Variants in PCDH11X observed in about 807,000 individuals in gnomAD.
The protein encoded by PCDH11X is protocadherin-11 X-linked.
A neutral mutation model predicts 53.3 loss-of-function variants in PCDH11X; 18 were observed. The observed-to-expected ratio is 0.34, with a 90% CI of 0.23 to 0.50. The LOEUF (loss-of-function observed/expected upper bound fraction) is 0.50, where lower values mean the gene tolerates loss of function less well. Ranked by LOEUF, PCDH11X falls within the 20% of genes least tolerant of loss-of-function variation. The pLI, the probability that PCDH11X is intolerant of heterozygous loss-of-function variation, is 0.98. For missense variants in PCDH11X, 570 were observed against 1,032.4 expected, an observed-to-expected ratio of 0.55 and a Z score of 6.14; for synonymous variants, 279 against 393.3, an observed-to-expected ratio of 0.71 and a Z score of 3.44.
At chrX:91,972,112 G>C (rs1412581913) in intron 6 of PCDH11X, among the ~76,000 whole-genome samples, 36 of 106,228 alleles carry the variant, frequency 3.4e-4, no homozygotes, top group Non-Finnish European at 5.2e-4. Context: ...AGCACCTGTT[G>C]TTTCCTGACT....
chrX:91,948,430 T>C (rs1193868805), intron 6 of PCDH11X, among the ~76,000 whole-genome samples: 2 of 108,306 alleles, frequency 1.8e-5, no homozygotes, highest in East Asian at 6.0e-4. Context: ...GTGGGATAAG[T>C]GATGGCATGT....
intron 10 of PCDH11X, among the ~76,000 whole-genome samples, chrX:92,576,013 C>T (rs901691623): frequency 0.017 from 471 of 26,948 alleles, 12 homozygotes; most frequent in Middle Eastern, 0.045. Flanking sequence ...TATATATATA[C>T]ACACACACAC....
At chrX:92,480,645 C>T (rs1001448258) in intron 10 of PCDH11X, among the ~76,000 whole-genome samples, 22 of 110,613 alleles carry the variant, frequency 2.0e-4, no homozygotes, top group African/African-American at 6.6e-4. Flanking sequence ...TTCTATACTA[C>T]GTGCTGTAAC....
At chrX:92,116,091 G>A in intron 6 of PCDH11X, among the ~76,000 whole-genome samples, 1 of 112,195 alleles carries the variant, frequency 8.9e-6, no homozygotes, top group Middle Eastern at 4.6e-3. Flanking sequence ...GCAGCAGCAT[G>A]TTTGTAAGGC....
At chrX:92,563,050 T>TTTTTTTTTTTG (rs2075158790) in intron 10 of PCDH11X, among the ~76,000 whole-genome samples, 1 of 9,154 alleles carries the variant, frequency 1.1e-4, no homozygotes, top group African/African-American at 1.1e-3. Context: ...TGGTACCGTT[T>TTTTTTTTTTTG]TTTTTTTTTT....
intron 8 of PCDH11X, among the ~76,000 whole-genome samples, chrX:92,320,874 T>C (rs1051432077): frequency 7.3e-5 from 8 of 109,922 alleles, no homozygotes; most frequent in African/African-American, 2.7e-4. Context: ...GGAGGAGCTA[T>C]GAATATTTAT....
At chrX:91,894,544 C>A (rs1203582681) in intron 6 of PCDH11X, among the ~76,000 whole-genome samples, 1 of 111,534 alleles carries the variant, frequency 9.0e-6, no homozygotes, top group Non-Finnish European at 1.9e-5. Flanking sequence ...CCCTTTTAAT[C>A]TGATAGAGGC....
At chrX:92,219,641 C>T (rs1466310141) in intron 7 of PCDH11X, among the ~76,000 whole-genome samples, 7 of 94,170 alleles carry the variant, frequency 7.4e-5, no homozygotes, top group Non-Finnish European at 1.1e-4. Flanking sequence ...TTTATAGATT[C>T]AATGCCATCC....
At chrX:92,036,244 C>T (rs4022222) in intron 6 of PCDH11X, among the ~76,000 whole-genome samples, 6 of 109,803 alleles carry the variant, frequency 5.5e-5, no homozygotes, top group African/African-American at 1.7e-4. Flanking sequence ...TTGAGGAGTT[C>T]GGTGTTCATT....
At chrX:92,004,653 T>C (rs866326989) in intron 6 of PCDH11X, among the ~76,000 whole-genome samples, 1 of 110,725 alleles carries the variant, frequency 9.0e-6, no homozygotes, top group Non-Finnish European at 1.9e-5. Flanking sequence ...TCTCTTCTCA[T>C]AGTTTTTGTC....
At chrX:92,349,776 A>C (rs1200815519) in intron 8 of PCDH11X, among the ~76,000 whole-genome samples, 1 of 111,291 alleles carries the variant, frequency 9.0e-6, no homozygotes, top group Non-Finnish European at 1.9e-5. Flanking sequence ...CTTACATGAG[A>C]TATTCAGCAC....
intron 8 of PCDH11X, among the ~76,000 whole-genome samples, chrX:92,273,893 A>G (rs1378133351): frequency 9.0e-6 from 1 of 110,957 alleles, no homozygotes; most frequent in Non-Finnish European, 1.9e-5. Flanking sequence ...TAGTCCTGCC[A>G]GCAAAGATTA....
chrX:92,171,092 G>A (rs866971939), intron 6 of PCDH11X, among the ~76,000 whole-genome samples: 3 of 104,365 alleles, frequency 2.9e-5, no homozygotes, highest in East Asian at 6.1e-4. Flanking sequence ...AGTGCAAGCC[G>A]CTGTGTCGGC....
chrX:92,329,251 A>G (rs1218989392), intron 8 of PCDH11X, among the ~76,000 whole-genome samples: 1 of 111,513 alleles, frequency 9.0e-6, no homozygotes, highest in African/African-American at 3.2e-5. Flanking sequence ...TGTTATAGAA[A>G]CTGTCAGCAG....
chrX:92,585,765 A>G (rs966465654), intron 10 of PCDH11X, among the ~76,000 whole-genome samples: 1 of 111,139 alleles, frequency 9.0e-6, no homozygotes, highest in African/African-American at 3.3e-5. Flanking sequence ...GCATTATTTC[A>G]ATAATACCCA....
chrX:92,222,544 G>A (rs1231282373), intron 7 of PCDH11X, among the ~76,000 whole-genome samples: 8 of 111,500 alleles, frequency 7.2e-5, no homozygotes, highest in Non-Finnish European at 5.7e-5. Context: ...GAATTCTTTT[G>A]TTGTTGTTGT....
intron 5 of PCDH11X, among the ~76,000 whole-genome samples, chrX:91,871,138 AT>A (rs1939280957): frequency 9.1e-6 from 1 of 109,447 alleles, no homozygotes; most frequent in African/African-American, 3.4e-5. Context: ...CAAACCAAGA[AT>A]TTTTAGTGGA....
Position 92,477,286 on chromosome X carries a change from C to T in PCDH11X, c.3367+8964C>T, listed in dbSNP as rs777106859. On this transcript the variant is annotated intron_variant, in intron 10 of 10. Coordinates refer to ENST00000682573, the MANE Select transcript of PCDH11X (RefSeq NM_032968.5). The stretch of plus-strand genomic sequence containing the variant: ...GATGTCTAAGTGGTATTCTATTGTA[C>T]GGCAACTGAGCTGGCACTCAAACCA... Among the ~76,000 whole-genome samples, 13 of 103,827 alleles carry T rather than the reference C, an allele frequency of 1.3e-4. No individual in the cohort carries two copies. In the South Asian group the frequency reaches 1.9e-3, roughly 15 times the overall value. The allele number at this position is 103,827 out of a possible 115,157, so 90.2% of individuals were successfully genotyped here.
intron 4 of PCDH11X, among the ~76,000 whole-genome samples, chrX:91,815,427 C>CA (rs1232725923): frequency 9.0e-6 from 1 of 110,799 alleles, no homozygotes; most frequent in Non-Finnish European, 1.9e-5. Context: ...AAGACAATTG[C>CA]AAAAAAATGA....
Sources: gnomAD v4.1 joint callset for allele counts (sites outside exome capture counted in the v4.1 genomes callset) on GRCh38, gnomAD v4.1.1 for gene constraint, MANE v1.5 for transcripts, NCBI Gene and HGNC (gene_info 2026-07-23, HGNC 2026-07-21) for gene names.